SHOX: variants seen among roughly 807,000 people sequenced by gnomAD.
The protein encoded by SHOX is SHOX homeobox, also known as short stature homeobox protein.
Under a neutral mutation model 29.6 loss-of-function variants are expected in SHOX, and 12 were observed. The observed-to-expected ratio is 0.41, with a 90% confidence interval of 0.26 to 0.66. SHOX has a LOEUF of 0.66. Among genes scored for constraint, SHOX ranks in the 30% least tolerant of loss-of-function variants. The pLI is 0.35. For missense variants in SHOX, 499 were observed against 437.7 expected (o/e 1.14, Z -1.25); for synonymous variants, 214 against 200.6 (o/e 1.07, Z -0.57).
upstream of SHOX, among the ~76,000 whole-genome samples, chrX:626,530 G>C (rs1170985605): frequency 3.1e-5 from 1 of 32,028 alleles, no homozygotes; most frequent in Non-Finnish European, 6.1e-5. Context: ...CTCTCTCTGT[G>C]TCTCTACCTC....
chrX:643,994 ACCCGGGAGAGGCTTGGGGACCTGGTGTC>A (rs1173983812), intron 4 of SHOX, among the ~76,000 whole-genome samples: 2 of 56,018 alleles, frequency 3.6e-5, no homozygotes, highest in East Asian at 4.6e-4. Context: ...TGACCTGGGG[ACCCGGGAGAGGCTTGGGGACCTGGTGTC>A]CCCGGGAGAG....
downstream of SHOX, among the ~76,000 whole-genome samples, chrX:655,481 C>T (rs1162761777): frequency 4.0e-5 from 6 of 150,774 alleles, no homozygotes; most frequent in East Asian, 3.9e-4. Context: ...GGCTCCTGCC[C>T]GTGATCCCAG....
chrX:645,180 C>A lies in SHOX; in HGVS notation c.*544C>A, dbSNP rs931328905. 6.6e-6 allele frequency: 1 copy of A among 152,460 alleles called. No homozygotes were observed. Among genetic ancestry groups the A allele is most frequent in the South Asian group, 2.1e-4 (1 of 4,824 alleles). 9.4% of individuals were successfully genotyped at this position (152,460 alleles called of 1,614,324 possible). A position where few individuals can be genotyped will look rare whatever the true frequency, so the allele number is the denominator to read the frequency against. On this transcript the variant is annotated 3_prime_UTR_variant, in exon 5 of 5. Transcript: ENST00000686671. ...AGGCAGGGGCCGGGCTCTCCTCCAC[C>A]GCTCCCCCGGAGCCTCCCAGGCAGC...
At chrX:625,673 CTCTCTT>C (rs1569491976) in intron 1 of SHOX, among the ~76,000 whole-genome samples, 3,834 of 143,372 alleles carry the variant, frequency 0.027, 193 homozygotes, top group South Asian at 0.11. Context: ...TCGTTCCTCT[CTCTCTT>C]TTTTTCTCTC....
At chrX:657,746 T>C (rs1361269032) in intron 5 of SHOX, among the ~76,000 whole-genome samples, 3 of 152,126 alleles carry the variant, frequency 2.0e-5, no homozygotes, top group Non-Finnish European at 4.4e-5. Context: ...TTGGAAAAGA[T>C]AAAATACGAC....
chrX:632,833 C>T (rs925420878), intron 1 of SHOX, among the ~76,000 whole-genome samples: 1 of 152,170 alleles, frequency 6.6e-6, no homozygotes, highest in Non-Finnish European at 1.5e-5. Flanking sequence ...GGCTGGGAGC[C>T]GCTTGAGGGC....
At chrX:635,315 G>C (rs1399390995) in intron 2 of SHOX, among the ~76,000 whole-genome samples, 1 of 152,048 alleles carries the variant, frequency 6.6e-6, no homozygotes, top group Non-Finnish European at 1.5e-5. Flanking sequence ...AAAAAAAAAT[G>C]TGTCTTTTGG....
chrX:655,602 CTCTCTCTCTCTCTA>C (rs2053131653), downstream of SHOX, among the ~76,000 whole-genome samples: 26 of 43,408 alleles, frequency 6.0e-4, no homozygotes, highest in East Asian at 3.3e-3. Flanking sequence ...CTCTCTCTCT[CTCTCTCTCTCTCTA>C]TATATATATA....
Position 635,020 on chromosome X carries a change from T to C in SHOX, c.486+194T>C, listed in dbSNP as rs146462815. The stretch of plus-strand genomic sequence containing the variant: ...AGGCCTGTAGGATGGGTTCATTGCG[T>C]TTGTTTTTCACCAACAGCAAACAAA... On this transcript the variant is annotated intron_variant, in intron 2 of 4. Coordinates refer to ENST00000686671, the MANE Select transcript of SHOX (RefSeq NM_000451.4). Among the ~76,000 whole-genome samples the C allele has an allele frequency of 7.4e-3, 1,128 of 152,218 alleles. 13 individuals carry two copies. The highest frequency in any genetic ancestry group is 0.024 in the African/African-American group (994 of 41,524).
At chrX:656,789 G>A (rs1456949595) in intron 5 of SHOX, among the ~76,000 whole-genome samples, 1 of 151,086 alleles carries the variant, frequency 6.6e-6, no homozygotes, top group African/African-American at 2.4e-5. Flanking sequence ...CATGCAGTGA[G>A]TCGAGATCGC....
In SHOX at chrX:641,204, C is replaced by G. The variant is rs951910265; in HGVS notation, c.633+117C>G. The G allele has an allele frequency of 7.0e-6, 7 of 1,001,232 alleles. No homozygotes were observed. The African/African-American group carries it at 1.1e-4, about 16-fold the overall frequency. 62.0% of individuals were successfully genotyped at this position (1,001,232 alleles called of 1,614,324 possible). On this transcript the variant is annotated intron_variant, in intron 4 of 4. Transcript: ENST00000686671. ...TCCCTCCCTGCCCCTGCAGACTTCT[C>G]AGCTGGCCCTTAGAAAAAAAGCCTC...
chrX:626,333 T>C, upstream of SHOX, among the ~76,000 whole-genome samples: 1 of 140,044 alleles, frequency 7.1e-6, no homozygotes, highest in South Asian at 2.7e-4. Flanking sequence ...TCTGTCTCTG[T>C]CTGTATCTCT....
chrX:640,722 G>A, intron 2 of SHOX, 99 bp from the exon 3 acceptor site: 3 of 1,360,604 alleles, frequency 2.2e-6, no homozygotes, highest in South Asian at 2.3e-5. Context: ...GCTCCCAGAG[G>A]TGCAAAGTGC....
downstream of SHOX, among the ~76,000 whole-genome samples, chrX:653,199 C>A (rs1226942831): frequency 6.6e-6 from 1 of 152,100 alleles, no homozygotes; most frequent in Non-Finnish European, 1.5e-5. Context: ...CGAGATCGCG[C>A]CATTGCACTC....
chrX:643,585 C>CT (rs1207219380), intron 4 of SHOX, among the ~76,000 whole-genome samples: 1 of 138,004 alleles, frequency 7.2e-6, no homozygotes, highest in Admixed American at 7.1e-5. Context: ...ACCTGGTGTC[C>CT]CGGGAGAGGC....
In SHOX at chrX:625,513, CTCTG is replaced by C. The variant is rs1027883637; in HGVS notation, c.-433+915_-433+918del. ...CTGTCCCCTGTCTGTCGCTATTTTT[CTCTG>C]TCTATCTCTGTATCTCTGTCTCTCT... On this transcript the variant is annotated intron_variant, in intron 1 of 5. Transcript: ENST00000334060. Among the ~76,000 whole-genome samples, 11 of 151,774 alleles carry C rather than the reference CTCTG, an allele frequency of 7.2e-5. 1 individual carries two copies. The East Asian group carries it at 7.8e-4, about 11-fold the overall frequency.
Position 634,703 on chromosome X carries a change from C to A in SHOX, c.363C>A (p.Arg121=), listed in dbSNP as rs149609259. 1.2e-6 allele frequency: 2 copies of A among 1,613,746 alleles called. No homozygotes were observed. Among genetic ancestry groups the A allele is most frequent in the African/African-American group, 2.7e-5 (2 of 74,930 alleles). ...GQTKLKQRRS[R]TNFTLEQLNE... Reference sequence around the variant, plus strand: ...CCAAGCTGAAACAGAGGCGCAGCCGCACCAACTTCACGCTGGAGCAGCTGA... The same window carrying A: ...CCAAGCTGAAACAGAGGCGCAGCCGAACCAACTTCACGCTGGAGCAGCTGA... The change falls in exon 2 of 5, where the codon CGC becomes CGA. Residue 121 remains arginine (R), a synonymous_variant. Transcript: ENST00000686671.
chrX:636,546 AATATATATAAACATATATACATATAAAG>A (rs2052757539), intron 2 of SHOX, among the ~76,000 whole-genome samples: 1 of 15,632 alleles, frequency 6.4e-5, no homozygotes, highest in African/African-American at 9.1e-4. Context: ...TACATATAAA[AATATATATAAACATATATACATATAAAG>A]AAATATATAT....
chrX:656,864 C>T (rs58922128), intron 5 of SHOX, among the ~76,000 whole-genome samples: 1 of 126,396 alleles, frequency 7.9e-6, no homozygotes, highest in Non-Finnish European at 1.7e-5. Context: ...AAAAAAACTG[C>T]TGCCCAAGCT....
Sources: gnomAD v4.1 joint callset for allele counts (sites outside exome capture counted in the v4.1 genomes callset) on GRCh38, gnomAD v4.1.1 for gene constraint, MANE v1.5 for transcripts, NCBI Gene and HGNC (gene_info 2026-07-23, HGNC 2026-07-21) for gene names.